Variants in AHCY observed in about 807,000 individuals in gnomAD.
AHCY encodes the protein adenosylhomocysteinase.
AHCY carries 24 observed loss-of-function variants against 45.4 expected under a neutral mutation model. The ratio of observed to expected loss-of-function variants is 0.53; its 90% CI spans 0.38 to 0.74. The LOEUF is 0.74. AHCY is among the 30% of genes least tolerant of loss of function. The pLI is 0.00. For missense variants in AHCY, 449 were observed against 594.1 expected (o/e 0.76, Z 2.54); for synonymous variants, 245 against 235.1 (o/e 1.04, Z -0.39).
At chr20:34,287,681 C>T (rs1377718716) in intron 8 of AHCY, among the ~76,000 whole-genome samples, 2 of 151,282 alleles carry the variant, frequency 1.3e-5, no homozygotes, top group Non-Finnish European at 2.9e-5. Flanking sequence ...TGTGTGCCAC[C>T]GTGCCTGGCC....
chr20:34,287,031 C>G (rs1216492717), intron 8 of AHCY, among the ~76,000 whole-genome samples: 1 of 152,038 alleles, frequency 6.6e-6, no homozygotes, highest in East Asian at 1.9e-4. Flanking sequence ...CACAAACTTG[C>G]TTTCTCCCCA....
chr20:34,243,875 T>C, the AHCY span, among the ~76,000 whole-genome samples: 1 of 151,818 alleles, frequency 6.6e-6, no homozygotes, highest in Non-Finnish European at 1.5e-5. Flanking sequence ...CCATCCTGGC[T>C]AACACGATGA....
the AHCY span, among the ~76,000 whole-genome samples, chr20:34,238,765 G>A: frequency 1.3e-5 from 2 of 152,000 alleles, no homozygotes; most frequent in Admixed American, 6.6e-5. Flanking sequence ...TAATAATGTG[G>A]TAACTCTAGA....
intron 1 of AHCY, among the ~76,000 whole-genome samples, chr20:34,310,023 C>T (rs1023567038): frequency 4.0e-5 from 6 of 151,776 alleles, no homozygotes; most frequent in Non-Finnish European, 7.4e-5. Context: ...GGGTGAAAGT[C>T]CAGGCTCCCT....
At chr20:34,284,975 T>C (rs2036123567) in intron 9 of AHCY, among the ~76,000 whole-genome samples, 1 of 152,218 alleles carries the variant, frequency 6.6e-6, no homozygotes, top group Non-Finnish European at 1.5e-5. Flanking sequence ...CCTTTACCCC[T>C]TCAGCTCTTC....
At chr20:34,245,078 G>A in the AHCY span, among the ~76,000 whole-genome samples, 1 of 152,222 alleles carries the variant, frequency 6.6e-6, no homozygotes. Context: ...GCTCATGCCT[G>A]TAATCCCAGC....
the AHCY span, among the ~76,000 whole-genome samples, chr20:34,261,980 G>A: frequency 6.6e-6 from 1 of 151,808 alleles, no homozygotes; most frequent in Non-Finnish European, 1.5e-5. Flanking sequence ...AGGTGTGGTG[G>A]TACATGCCTG....
the AHCY span, among the ~76,000 whole-genome samples, chr20:34,274,486 A>G: frequency 6.6e-6 from 1 of 152,052 alleles, no homozygotes; most frequent in Non-Finnish European, 1.5e-5. Context: ...GGTGTACCCA[A>G]CAGACTCCCC....
chr20:34,303,387 C>A, upstream of AHCY: 3 of 1,429,476 alleles, frequency 2.1e-6, no homozygotes, highest in Non-Finnish European at 2.9e-6. Flanking sequence ...CTTTAAATAT[C>A]TTCCTCGCAC....
the AHCY span, among the ~76,000 whole-genome samples, chr20:34,258,674 CATAT>C: frequency 4.9e-4 from 6 of 12,146 alleles, no homozygotes; most frequent in East Asian, 0.01. Context: ...AGGGGGATGC[CATAT>C]ATATATATAT....
At chr20:34,241,627 G>C in the AHCY span, 1 of 743,938 alleles carries the variant, frequency 1.3e-6, no homozygotes, top group Non-Finnish European at 1.6e-6. Flanking sequence ...GTGGGTCAGA[G>C]TAGTTAAGAG....
At chr20:34,258,691 ACATAC>A in the AHCY span, among the ~76,000 whole-genome samples, 95 of 44,340 alleles carry the variant, frequency 2.1e-3, 6 homozygotes, top group African/African-American at 0.013. Context: ...ATATATATAT[ACATAC>A]TATATATATA....
intron 1 of AHCY, 88 bp from the exon 2 acceptor site, chr20:34,295,673 G>A (rs1238289595): frequency 1.5e-6 from 2 of 1,361,754 alleles, no homozygotes; most frequent in African/African-American, 2.9e-5. Flanking sequence ...CGATCCACGT[G>A]TGGACTCAAC....
Position 34,285,556 on chromosome 20 carries a change from T to C in AHCY, c.1051A>G (p.Met351Val), listed in dbSNP as rs1443450433. 3.1e-6 allele frequency: 5 copies of C among 1,614,160 alleles called. No homozygotes were observed. Among genetic ancestry groups the C allele is most frequent in the Non-Finnish European group, 4.2e-6 (5 of 1,180,032 alleles). ...EGRLVNLGCAMGHPSFVMSNS... is the reference protein window; with the variant it reads ...EGRLVNLGCAVGHPSFVMSNS... ...CTCATCACGAAGCTGGGGTGGCCCA[T>C]GGCACAACCCAGGTTGACCAGCCGA... Residue 351 changes from methionine to valine, a missense_variant, in exon 9 of 10, where the codon ATG (methionine) becomes GTG (valine). Physicochemically the swap from Met to Val is conservative, Grantham distance 21. Transcript: ENST00000217426.
chr20:34,250,101 AG>A, the AHCY span: 1 of 152,272 alleles, frequency 6.6e-6, no homozygotes, highest in African/African-American at 2.4e-5. Context: ...AGCTTTACCA[AG>A]AACCCCCAGG....
At position 34,302,895 on chromosome 20, in the gene AHCY, G is replaced by A. The variant is rs1237192401; in HGVS notation, c.28+348C>T. 4 of 985,354 alleles carry A rather than the reference G, an allele frequency of 4.1e-6. No homozygotes were observed. In the East Asian group the frequency reaches 3.4e-4, roughly 84 times the overall value. 61.0% of individuals were successfully genotyped at this position (985,354 alleles called of 1,614,324 possible). A position where few individuals can be genotyped will look rare whatever the true frequency, so the allele number is the denominator to read the frequency against. The stretch of plus-strand genomic sequence containing the variant: ...GACAGGGTCCGGTCCAGGCCTAGGA[G>A]GCCGGGCGCAGGCCCCCCGAGCAGG... On this transcript the variant is annotated intron_variant, in intron 1 of 9. Transcript: ENST00000217426.
chr20:34,281,442 C>G (rs942502578), intron 9 of AHCY, among the ~76,000 whole-genome samples: 5 of 152,184 alleles, frequency 3.3e-5, no homozygotes, highest in Admixed American at 3.3e-4. Context: ...AAGCAGCTAA[C>G]CAAAATGCTT....
intron 8 of AHCY, among the ~76,000 whole-genome samples, chr20:34,287,590 C>T (rs1317669908): frequency 6.6e-6 from 1 of 151,854 alleles, no homozygotes; most frequent in African/African-American, 2.4e-5. Context: ...CAGGGTTTGA[C>T]CATGTTGGCC....
the AHCY span, among the ~76,000 whole-genome samples, chr20:34,269,969 A>C: frequency 2.5e-3 from 355 of 143,710 alleles, 2 homozygotes; most frequent in Middle Eastern, 0.011. Flanking sequence ...AAAAAAAAAA[A>C]AAAAAAAAAA....
Sources: allele counts gnomAD v4.1 joint callset (sites outside exome capture counted in the v4.1 genomes callset), GRCh38; gene constraint gnomAD v4.1.1; transcripts MANE v1.5; gene names NCBI Gene and HGNC (gene_info 2026-07-23, HGNC 2026-07-21).